Variants in MYRIP observed in about 807,000 individuals in gnomAD.
MYRIP encodes rab effector MyRIP.
Under a neutral mutation model 98.0 loss-of-function variants are expected in MYRIP, and 49 were observed. The observed-to-expected ratio is 0.50, with a 90% CI of 0.40 to 0.63. The LOEUF is 0.63. Among genes scored for constraint, MYRIP ranks in the 30% least tolerant of loss-of-function variants. The pLI is 0.00. For missense variants in MYRIP, 1,004 were observed against 1,058.2 expected (o/e 0.95, Z 0.71); for synonymous variants, 404 against 409.5 (o/e 0.99, Z 0.16).
chr3:39,844,271 A>C (rs1941895012), intron 1 of MYRIP, among the ~76,000 whole-genome samples: 1 of 152,222 alleles, frequency 6.6e-6, no homozygotes, highest in South Asian at 2.1e-4. Flanking sequence ...GAAAGTCAAC[A>C]TACTGCTGGA....
chr3:40,193,291 C>T (rs1027031265), intron 10 of MYRIP, among the ~76,000 whole-genome samples: 1 of 152,062 alleles, frequency 6.6e-6, no homozygotes, highest in Non-Finnish European at 1.5e-5. Flanking sequence ...ATAATAGATC[C>T]AACAAAAGTC....
chr3:39,816,143 GCAAT>G (rs1429194675), intron 1 of MYRIP, among the ~76,000 whole-genome samples: 1 of 151,072 alleles, frequency 6.6e-6, no homozygotes, highest in Non-Finnish European at 1.5e-5. Context: ...GTGCAGTGGT[GCAAT>G]CTCGGCTCAC....
intron 2 of MYRIP, among the ~76,000 whole-genome samples, chr3:39,951,039 C>T (rs1264694272): frequency 1.3e-5 from 2 of 152,156 alleles, no homozygotes; most frequent in Non-Finnish European, 2.9e-5. Flanking sequence ...GAAACTCTGA[C>T]TGAGAAACAG....
chr3:40,044,532 T>G (rs1439019920), intron 3 of MYRIP, among the ~76,000 whole-genome samples: 1 of 152,202 alleles, frequency 6.6e-6, no homozygotes, highest in African/African-American at 2.4e-5. Flanking sequence ...CCTACATATG[T>G]TATTCATCTT....
At position 40,188,080 on chromosome 3, in the gene MYRIP, A is replaced by G. The variant is rs575629049; in HGVS notation, c.1028-1746A>G. On this transcript the variant is annotated intron_variant, in intron 9 of 16. Coordinates refer to ENST00000302541, the MANE Select transcript of MYRIP (RefSeq NM_015460.4). The stretch of plus-strand genomic sequence containing the variant: ...CCACTTCCTGACTCTCAAAATAAAA[A>G]TAACTCGATGTCCTGCCAGTCTGAG... 2.6e-5 allele frequency among the ~76,000 whole-genome samples: 4 copies of G among 152,294 alleles called. No homozygotes were observed. The South Asian group carries it at 8.3e-4, about 32-fold the overall frequency.
chr3:39,918,019 C>G, intron 2 of MYRIP, among the ~76,000 whole-genome samples: 1 of 151,980 alleles, frequency 6.6e-6, no homozygotes, highest in East Asian at 1.9e-4. Flanking sequence ...CTCAGCTTCC[C>G]AGGTTCACGC....
At chr3:39,929,111 T>C (rs9866999) in intron 2 of MYRIP, among the ~76,000 whole-genome samples, 56,312 of 151,772 alleles carry the variant, frequency 0.37, 10,762 homozygotes, top group East Asian at 0.45. Flanking sequence ...TATGGACACA[T>C]GGATACTGTG....
chr3:40,203,685 ATATATT>A, intron 10 of MYRIP, among the ~76,000 whole-genome samples: 1 of 128,594 alleles, frequency 7.8e-6, no homozygotes, highest in East Asian at 2.1e-4. Flanking sequence ...ATATTTTTAT[ATATATT>A]TATATTTTTA....
chr3:40,007,623 G>C (rs1946663114), intron 2 of MYRIP, among the ~76,000 whole-genome samples: 1 of 152,226 alleles, frequency 6.6e-6, no homozygotes, highest in South Asian at 2.1e-4. Context: ...TCCTGGCCCA[G>C]AGCAGACTAC....
chr3:40,210,799 A>T (rs1490782831), intron 11 of MYRIP, among the ~76,000 whole-genome samples: 1 of 151,958 alleles, frequency 6.6e-6, no homozygotes, highest in African/African-American at 2.4e-5. Context: ...GATAAACTCA[A>T]CCTCTGGCAT....
intron 2 of MYRIP, among the ~76,000 whole-genome samples, chr3:40,015,812 AC>A: frequency 6.6e-6 from 1 of 152,336 alleles, no homozygotes; most frequent in South Asian, 2.1e-4. Flanking sequence ...AAACTGAACA[AC>A]ACCTATAACC....
chr3:40,258,456 CCT>C lies in MYRIP; in HGVS notation c.*291_*292del, dbSNP rs1491492307. The stretch of plus-strand genomic sequence containing the variant: ...CTCCATGTTTAAGATACATATTTTC[CCT>C]GTTTGCTTTGCTACTGTATGTTGAC... On this transcript the variant is annotated 3_prime_UTR_variant, in exon 17 of 17. Transcript: ENST00000302541. 1.2e-4 allele frequency: 47 copies of C among 389,668 alleles called. No homozygotes were observed. The highest frequency in any genetic ancestry group is 9.1e-4 in the African/African-American group (46 of 50,672). 24.1% of individuals were successfully genotyped at this position (389,668 alleles called of 1,614,324 possible). A position where few individuals can be genotyped will look rare whatever the true frequency, so the allele number is the denominator to read the frequency against.
intron 11 of MYRIP, among the ~76,000 whole-genome samples, chr3:40,226,393 A>G (rs1952491529): frequency 6.6e-6 from 1 of 152,136 alleles, no homozygotes; most frequent in South Asian, 2.1e-4. Context: ...AGCTGTTTCC[A>G]GAATATTGCA....
At chr3:40,119,591 A>G (rs1949354931) in intron 3 of MYRIP, among the ~76,000 whole-genome samples, 1 of 152,204 alleles carries the variant, frequency 6.6e-6, no homozygotes, top group African/African-American at 2.4e-5. Context: ...AATTATTTTT[A>G]TCTTTGATGA....
rs571866802 is a variant in MYRIP at position 40,101,388 on chromosome 3, C to G, written c.333-49660C>G. Among the ~76,000 whole-genome samples, 3 of 152,282 alleles carry G rather than the reference C, an allele frequency of 2.0e-5. No individual in the cohort carries two copies. The East Asian group carries it at 5.8e-4, about 29-fold the overall frequency. The stretch of plus-strand genomic sequence containing the variant: ...TTGGTCTCAGTGTTATAAAACTTCA[C>G]CAATGTCTTTCCTTTGGGTCTTTAT... On this transcript the variant is annotated intron_variant, in intron 3 of 16. Transcript: ENST00000302541.
At chr3:39,871,444 A>C (rs972478045) in intron 1 of MYRIP, among the ~76,000 whole-genome samples, 1 of 152,146 alleles carries the variant, frequency 6.6e-6, no homozygotes, top group Non-Finnish European at 1.5e-5. Context: ...CTTATAATCA[A>C]TCTTTGAACA....
chr3:39,843,813 C>G (rs1941879347), intron 1 of MYRIP, among the ~76,000 whole-genome samples: 1 of 152,074 alleles, frequency 6.6e-6, no homozygotes, highest in Non-Finnish European at 1.5e-5. Flanking sequence ...TGATTCCTGC[C>G]CTCTACACCC....
chr3:40,055,693 A>G (rs1947871365), intron 3 of MYRIP, among the ~76,000 whole-genome samples: 1 of 152,170 alleles, frequency 6.6e-6, no homozygotes, highest in African/African-American at 2.4e-5. Flanking sequence ...TCATCTGTCC[A>G]TAGCACTTTA....
At chr3:40,063,251 A>G (rs1320708612) in intron 3 of MYRIP, among the ~76,000 whole-genome samples, 2 of 152,222 alleles carry the variant, frequency 1.3e-5, no homozygotes, top group Non-Finnish European at 2.9e-5. Context: ...CTCCTAAGGT[A>G]GGGGAATATA....
Sources: allele counts gnomAD v4.1 joint callset (sites outside exome capture counted in the v4.1 genomes callset), GRCh38; gene constraint gnomAD v4.1.1; transcripts MANE v1.5; gene names NCBI Gene and HGNC (gene_info 2026-07-23, HGNC 2026-07-21).